The following BMPR1A variants were observed in gnomAD, a reference collection of about 807,000 sequenced individuals.
BMPR1A encodes bone morphogenetic protein receptor type 1A, also known as bone morphogenetic protein receptor type-1A.
In BMPR1A, 7 loss-of-function variants were observed where a neutral mutation model predicts 66.0. The observed-to-expected ratio is 0.11, with a 90% CI of 0.06 to 0.20. The LOEUF (loss-of-function observed/expected upper bound fraction) is 0.20. BMPR1A is among the 10% of genes least tolerant of loss of function. The pLI is 1.00. For synonymous variants in BMPR1A, 200 were observed against 229.7 expected (o/e 0.87, Z 1.17); for missense variants, 408 against 669.1 (o/e 0.61, Z 4.31).
rs955604329 is a variant in BMPR1A at position 86,919,220 on chromosome 10, A to G, written c.917A>G (p.Tyr306Cys). 5.0e-6 allele frequency: 8 copies of G among 1,613,894 alleles called. No homozygotes were observed. The highest frequency in any genetic ancestry group is 6.8e-6 in the Non-Finnish European group (8 of 1,179,862). Reference sequence around the variant, plus strand: ...GGTACAGGTTCCTGGACTCAGCTCTATTTGATTACTGATTACCATGAAAAT... The same window carrying G: ...GGTACAGGTTCCTGGACTCAGCTCTGTTTGATTACTGATTACCATGAAAAT... ...IKGTGSWTQL[Y>C]LITDYHENGS... The change falls in exon 10 of 13, where the codon TAT (tyrosine) becomes TGT (cysteine). Residue 306 changes from tyrosine (Y) to cysteine (C), a missense_variant. This residue lies in a region of BMPR1A where 174 missense variants were observed against 265.1 expected (regional missense o/e 0.66). Transcript: ENST00000372037.
intron 1 of BMPR1A, among the ~76,000 whole-genome samples, chr10:86,788,487 C>T (rs756305411): frequency 2.0e-5 from 3 of 152,360 alleles, no homozygotes; most frequent in Non-Finnish European, 4.4e-5. Flanking sequence ...GGAGTGGAAA[C>T]AGACTCCTAG....
chr10:86,906,675 C>G (rs1194307830), intron 7 of BMPR1A, among the ~76,000 whole-genome samples: 1 of 35,514 alleles, frequency 2.8e-5, no homozygotes, highest in Non-Finnish European at 3.9e-5. Context: ...AGTGAGCCGA[C>G]ATCGCGCCAC....
intron 1 of BMPR1A, among the ~76,000 whole-genome samples, chr10:86,810,452 T>A (rs889226434): frequency 3.9e-5 from 6 of 152,208 alleles, no homozygotes; most frequent in Admixed American, 3.3e-4. Context: ...AGGAAAAGAA[T>A]TACAGAATCA....
At chr10:86,864,738 C>T (rs1414455840) in intron 2 of BMPR1A, among the ~76,000 whole-genome samples, 1 of 152,152 alleles carries the variant, frequency 6.6e-6, no homozygotes, top group Non-Finnish European at 1.5e-5. Context: ...TCCTTTAATA[C>T]CCATTTTTCT....
At chr10:86,837,259 G>GTGTGTC (rs1842366152) in intron 1 of BMPR1A, among the ~76,000 whole-genome samples, 1 of 151,566 alleles carries the variant, frequency 6.6e-6, no homozygotes, top group Admixed American at 6.6e-5. Context: ...GTGTGTGTGT[G>GTGTGTC]TGTGTGTGTG....
At chr10:86,772,485 C>A (rs2132658474) in intron 1 of BMPR1A, among the ~76,000 whole-genome samples, 1 of 152,080 alleles carries the variant, frequency 6.6e-6, no homozygotes. Flanking sequence ...AAATAAATGA[C>A]CTTGGGTAGG....
intron 1 of BMPR1A, among the ~76,000 whole-genome samples, chr10:86,785,980 C>T (rs1841508827): frequency 6.6e-6 from 1 of 152,190 alleles, no homozygotes; most frequent in Non-Finnish European, 1.5e-5. Flanking sequence ...CTTCTCAATC[C>T]TTCAACGTCA....
At chr10:86,911,912 C>G (rs192545838) in intron 7 of BMPR1A, among the ~76,000 whole-genome samples, 47 of 152,126 alleles carry the variant, frequency 3.1e-4, no homozygotes, top group African/African-American at 1.0e-3. Context: ...AATATGACTT[C>G]GAGGTTTGGG....
At chr10:86,877,252 G>A (rs1713761919) in intron 3 of BMPR1A, among the ~76,000 whole-genome samples, 1 of 149,778 alleles carries the variant, frequency 6.7e-6, no homozygotes, top group Admixed American at 6.6e-5. Flanking sequence ...CTGTCACCGA[G>A]GCTGGAGTAC....
At chr10:86,778,246 T>C (rs900252721) in intron 1 of BMPR1A, among the ~76,000 whole-genome samples, 1 of 151,924 alleles carries the variant, frequency 6.6e-6, no homozygotes, top group Non-Finnish European at 1.5e-5. Context: ...TTTTTTTTGG[T>C]AGCTCATCAG....
intron 1 of BMPR1A, among the ~76,000 whole-genome samples, chr10:86,788,856 C>G (rs1036527799): frequency 6.6e-6 from 1 of 152,148 alleles, no homozygotes; most frequent in Non-Finnish European, 1.5e-5. Context: ...ATTCACCCAC[C>G]TCAGTCTCCC....
intron 7 of BMPR1A, among the ~76,000 whole-genome samples, chr10:86,909,412 C>T (rs897147047): frequency 1.3e-5 from 2 of 151,628 alleles, no homozygotes; most frequent in Non-Finnish European, 2.9e-5. Flanking sequence ...GGCCAACTAG[C>T]GGAACCTTAA....
chr10:86,803,066 T>C (rs1841835133), intron 1 of BMPR1A, among the ~76,000 whole-genome samples: 2 of 150,334 alleles, frequency 1.3e-5, no homozygotes, highest in Non-Finnish European at 3.0e-5. Flanking sequence ...CTATCCATTC[T>C]AGGAAAAGTC....
At chr10:86,760,212 TACCTTATTG>T in intron 1 of BMPR1A, among the ~76,000 whole-genome samples, 1 of 122,504 alleles carries the variant, frequency 8.2e-6, no homozygotes, top group Non-Finnish European at 1.7e-5. Context: ...TTTTTTTTAA[TACCTTATTG>T]TTTTTTCTTT....
intron 1 of BMPR1A, among the ~76,000 whole-genome samples, chr10:86,787,185 CTAAATAAGTTGCA>C (rs1293577006): frequency 6.6e-6 from 1 of 151,984 alleles, no homozygotes; most frequent in Non-Finnish European, 1.5e-5. Context: ...TAAAAAAGAA[CTAAATAAGTTGCA>C]TAAGAGCACA....
intron 2 of BMPR1A, among the ~76,000 whole-genome samples, chr10:86,844,139 CTT>C (rs1410532382): frequency 2.0e-5 from 3 of 152,106 alleles, no homozygotes; most frequent in Non-Finnish European, 4.4e-5. Flanking sequence ...CTGTTGGTCT[CTT>C]AATTTGTTTA....
At chr10:86,776,712 G>A (rs1473733777) in intron 1 of BMPR1A, among the ~76,000 whole-genome samples, 2 of 152,090 alleles carry the variant, frequency 1.3e-5, no homozygotes, top group African/African-American at 4.8e-5. Context: ...AGTTTTCCAT[G>A]GAACCTTGAC....
At chr10:86,766,617 C>CTTTTTTTTTTTT (rs71019427) in intron 1 of BMPR1A, among the ~76,000 whole-genome samples, 4 of 131,298 alleles carry the variant, frequency 3.0e-5, no homozygotes, top group African/African-American at 1.3e-4. Context: ...TCATATCAGT[C>CTTTTTTTTTTTT]TTTTTTTTTT....
intron 7 of BMPR1A, among the ~76,000 whole-genome samples, chr10:86,905,056 G>A (rs1323235927): frequency 1.3e-5 from 2 of 152,170 alleles, no homozygotes; most frequent in Non-Finnish European, 2.9e-5. Context: ...AGGTCTGTCC[G>A]TCAGCATATT....
Sources: gnomAD v4.1 joint callset for allele counts (sites outside exome capture counted in the v4.1 genomes callset) on GRCh38, gnomAD v4.1.1 for gene constraint, gnomAD v4.1.1 regional missense constraint, MANE v1.5 for transcripts, NCBI Gene and HGNC (gene_info 2026-07-23, HGNC 2026-07-21) for gene names.